Variants in DZIP1 observed in about 807,000 individuals in gnomAD.
The protein encoded by DZIP1 is cilium assembly protein DZIP1.
DZIP1 carries 97 observed loss-of-function variants against 107.6 expected under a neutral mutation model. That is an observed-to-expected ratio of 0.90 (90% CI 0.77 to 1.07). DZIP1 has a LOEUF of 1.07. Ranked by LOEUF, DZIP1 falls within the 50% of genes least tolerant of loss-of-function variation. The pLI, the probability that DZIP1 is intolerant of heterozygous loss-of-function variation, is 0.00. For synonymous variants in DZIP1, 390 were observed against 386.4 expected, an observed-to-expected ratio of 1.01 and a Z score of -0.11; for missense variants, 1,035 against 1,063.6, an observed-to-expected ratio of 0.97 and a Z score of 0.37.
chr13:95,589,803 T>C lies in DZIP1; in HGVS notation c.1973A>G (p.Lys658Arg), dbSNP rs1337661102. 1 of 1,613,030 alleles carries C rather than the reference T, an allele frequency of 6.2e-7. No homozygotes were observed. Reference protein sequence around the residue: ...AVSTDRTSVPKIKKNVMEDPF... With the variant: ...AVSTDRTSVPRIKKNVMEDPF... The stretch of plus-strand genomic sequence containing the variant: ...TAAATCTGAGGGCTGAAATACTCAC[T>C]TTGGAACAGATGTCCTATCAGTAGA... Residue 658 changes from lysine to arginine, a missense_variant and splice_region_variant, in exon 18 of 23, where the codon AAA becomes AGA. Transcript: ENST00000376829.
Position 95,582,290 on chromosome 13 carries a change from T to C in DZIP1, c.2548A>G (p.Thr850Ala). 6.2e-7 allele frequency: 1 copy of C among 1,614,206 alleles called. No individual in the cohort carries two copies. The highest frequency in any genetic ancestry group is 8.5e-7 in the Non-Finnish European group (1 of 1,180,010). ...GEGLQENESS[T>A]LKSSLVTVTD... ...ACAGTTACTAAGCTGCTTTTTAATGTGCTTGATTCATTTTCTTGAAGTCCT... is the reference window on the plus strand; with the variant it reads ...ACAGTTACTAAGCTGCTTTTTAATGCGCTTGATTCATTTTCTTGAAGTCCT... Residue 850 changes from threonine to alanine, a missense_variant, in exon 23 of 23, where the codon ACA becomes GCA. Thr to Ala is a moderately conservative substitution (Grantham distance 58, BLOSUM62 0). Coordinates refer to ENST00000376829, the MANE Select transcript of DZIP1 (RefSeq NM_198968.4).
At chr13:95,621,874 C>A (rs965263110) in intron 9 of DZIP1, among the ~76,000 whole-genome samples, 1 of 151,850 alleles carries the variant, frequency 6.6e-6, no homozygotes, top group African/African-American at 2.4e-5. Flanking sequence ...TCTGCTACCA[C>A]GCCCAGTTAA....
intron 2 of DZIP1, 155 bp from the exon 3 acceptor site, chr13:95,643,412 T>C (rs1021173499): frequency 2.0e-5 from 3 of 152,272 alleles, no homozygotes; most frequent in African/African-American, 4.8e-5. Context: ...ACGCACTTCA[T>C]ATGGTTTCAA....
Position 95,586,276 on chromosome 13 carries a change from T to A in DZIP1, c.2219-140A>T, listed in dbSNP as rs191010243. 522 of 683,962 alleles carry A rather than the reference T, an allele frequency of 7.6e-4. 1 individual carries two copies. In the African/African-American group the frequency reaches 9.1e-3, roughly 12 times the overall value. 42.4% of individuals were successfully genotyped at this position (683,962 alleles called of 1,614,324 possible). A position where few individuals can be genotyped will look rare whatever the true frequency, so the allele number is the denominator to read the frequency against. On this transcript the variant is annotated intron_variant, in intron 20 of 22. Transcript: ENST00000376829. ...GTATTATTAAAATAAAATCAGTTGA[T>A]GTACTTTGGGGTTAGAAAATTTAAC...
At chr13:95,584,972 T>A in intron 21 of DZIP1, 62 bp from the exon 22 acceptor site, 2 of 1,424,978 alleles carry the variant, frequency 1.4e-6, no homozygotes, top group Non-Finnish European at 1.9e-6. Context: ...CCCTCAATCA[T>A]TTTATTGGTT....
chr13:95,635,197 CCTTT>C, intron 5 of DZIP1, among the ~76,000 whole-genome samples: 1 of 101,848 alleles, frequency 9.8e-6, no homozygotes. Context: ...CTGCATATTT[CCTTT>C]TTTTTTTTTT....
chr13:95,637,678 T>C (rs1877981503), intron 5 of DZIP1, among the ~76,000 whole-genome samples: 1 of 151,190 alleles, frequency 6.6e-6, no homozygotes, highest in Non-Finnish European at 1.5e-5. Context: ...GATGAGGACA[T>C]AGCAAGAAGG....
At chr13:95,600,040 C>A (rs2044567150) in intron 14 of DZIP1, among the ~76,000 whole-genome samples, 1 of 152,174 alleles carries the variant, frequency 6.6e-6, no homozygotes, top group South Asian at 2.1e-4. Context: ...TCTTCCCAAT[C>A]TCACCCCAGA....
At chr13:95,593,252 C>T (rs901174365) in intron 16 of DZIP1, among the ~76,000 whole-genome samples, 1 of 152,162 alleles carries the variant, frequency 6.6e-6, no homozygotes, top group African/African-American at 2.4e-5. Flanking sequence ...CACATGGATA[C>T]ATACATGTAT....
chr13:95,629,321 T>C (rs910043640), intron 7 of DZIP1, among the ~76,000 whole-genome samples: 4 of 152,264 alleles, frequency 2.6e-5, no homozygotes, highest in Non-Finnish European at 5.9e-5. Context: ...CAATGAATCA[T>C]GGGCCTCTTT....
intron 7 of DZIP1, 126 bp from the exon 8 acceptor site, chr13:95,625,055 TAAC>T (rs773869316): frequency 2.9e-4 from 240 of 824,276 alleles, no homozygotes; most frequent in Middle Eastern, 1.1e-3. Flanking sequence ...GTGAGGCTTG[TAAC>T]AACATTTCCT....
chr13:95,594,097 G>A lies in DZIP1; in HGVS notation c.1538-11C>T. ...GTTCATTTTCCCTTCCTGAAATAAG[G>A]TTTTAAAAATGTGTTAAAAAAAGAA... On this transcript the variant is annotated splice_polypyrimidine_tract_variant and intron_variant, in intron 15 of 22. Transcript: ENST00000376829. 1 of 1,580,506 alleles carries A rather than the reference G, an allele frequency of 6.3e-7. No homozygotes were observed. The highest frequency in any genetic ancestry group is 2.3e-5 in the East Asian group (1 of 44,252).
chr13:95,599,049 G>C (rs2044539243), intron 15 of DZIP1, among the ~76,000 whole-genome samples: 1 of 152,140 alleles, frequency 6.6e-6, no homozygotes, highest in African/African-American at 2.4e-5. Flanking sequence ...CACAACACGT[G>C]TGTGTCTATA....
At chr13:95,640,844 T>C (rs1395604797) in intron 5 of DZIP1, among the ~76,000 whole-genome samples, 1 of 152,020 alleles carries the variant, frequency 6.6e-6, no homozygotes, top group Non-Finnish European at 1.5e-5. Flanking sequence ...GGAATCTGGG[T>C]GAAGGGCGCA....
intron 10 of DZIP1, among the ~76,000 whole-genome samples, chr13:95,615,457 A>C (rs1426542219): frequency 6.6e-6 from 1 of 152,236 alleles, no homozygotes; most frequent in Non-Finnish European, 1.5e-5. Flanking sequence ...CCATAGATCC[A>C]AAACAGGATA....
intron 14 of DZIP1, among the ~76,000 whole-genome samples, chr13:95,600,901 G>A (rs910356751): frequency 2.0e-5 from 3 of 152,116 alleles, no homozygotes; most frequent in Non-Finnish European, 4.4e-5. Flanking sequence ...AGAGCATCAA[G>A]ATTTTTAAAA....
intron 5 of DZIP1, among the ~76,000 whole-genome samples, chr13:95,637,372 G>A (rs1419210760): frequency 6.6e-6 from 1 of 152,160 alleles, no homozygotes; most frequent in Non-Finnish European, 1.5e-5. Context: ...GACTCCAACT[G>A]TGACTGTGTT....
chr13:95,584,769 C>T lies in DZIP1; in HGVS notation c.2491G>A (p.Gly831Ser), dbSNP rs755556909. The T allele has an allele frequency of 6.2e-7, 1 of 1,613,952 alleles. No homozygotes were observed. Among genetic ancestry groups the T allele is most frequent in the Non-Finnish European group, 8.5e-7 (1 of 1,179,938 alleles). The stretch of plus-strand genomic sequence containing the variant: ...TTTGGCCCCTTAGGATTAAATGCGC[C>T]CCAGGCATTTAGCACATGAGCAAAA... ...PHFAHVLNAW[G>S]AFNPKGPKGE... is the part of the protein sequence containing the mutation. Residue 831 changes from glycine (G) to serine (S), a missense_variant, in exon 22 of 23, where the codon GGC (glycine) becomes AGC (serine). Physicochemically the swap from Gly to Ser is moderately conservative, Grantham distance 56 (BLOSUM62 0). Coordinates refer to ENST00000376829, the MANE Select transcript of DZIP1 (RefSeq NM_198968.4).
At chr13:95,592,366 A>G (rs1176579560) in intron 16 of DZIP1, among the ~76,000 whole-genome samples, 3 of 152,202 alleles carry the variant, frequency 2.0e-5, no homozygotes, top group Admixed American at 6.5e-5. Context: ...GAAAACTACA[A>G]TTTTAAGAAA....
Sources: gnomAD v4.1 joint callset for allele counts (sites outside exome capture counted in the v4.1 genomes callset) on GRCh38, gnomAD v4.1.1 for gene constraint, MANE v1.5 for transcripts, NCBI Gene and HGNC (gene_info 2026-07-23, HGNC 2026-07-21) for gene names.